APLP2: variants seen among roughly 807,000 people sequenced by gnomAD.
APLP2 encodes amyloid beta precursor like protein 2.
APLP2 carries 53 observed loss-of-function variants against 89.9 expected under a neutral mutation model. That is an observed-to-expected ratio of 0.59 (90% CI 0.47 to 0.74). The LOEUF (loss-of-function observed/expected upper bound fraction) is 0.74, where lower values mean the gene tolerates loss of function less well. Ranked by LOEUF, APLP2 falls within the 30% of genes least tolerant of loss-of-function variation. The pLI is 0.00. For synonymous variants in APLP2, 372 were observed against 348.6 expected (o/e 1.07, Z -0.75); for missense variants, 973 against 975.9 (o/e 1.00, Z 0.04).
At chr11:130,124,149 A>G (rs1001400516) in intron 7 of APLP2, among the ~76,000 whole-genome samples, 1 of 152,114 alleles carries the variant, frequency 6.6e-6, no homozygotes, top group African/African-American at 2.4e-5. Flanking sequence ...GGCTGGCTCT[A>G]GCTTAGAGGC....
rs1473869338 is a variant in APLP2, at chr11:130,110,640, G to A, written c.382G>A (p.Val128Ile). 1 of 1,611,460 alleles carries A rather than the reference G, an allele frequency of 6.2e-7. No individual in the cohort carries two copies. The highest frequency in any genetic ancestry group is 8.5e-7 in the Non-Finnish European group (1 of 1,178,474). ...RDKKQCKSRFVTPFKCLVGEF... is the reference protein window; with the variant it reads ...RDKKQCKSRFITPFKCLVGEF... ...CAAAAAGCAATGCAAGAGTCGCTTTGTTACACCTTTCAAGTGTCTCGGTGA... is the reference window on the plus strand; with the variant it reads ...CAAAAAGCAATGCAAGAGTCGCTTTATTACACCTTTCAAGTGTCTCGGTGA... Residue 128 changes from valine (V) to isoleucine (I), a missense_variant, in exon 3 of 17, where the codon GTT becomes ATT. Physicochemically the swap from Val to Ile is conservative, Grantham distance 29 (BLOSUM62 3). Coordinates refer to ENST00000338167, the MANE Select transcript of APLP2 (RefSeq NM_001142276.2).
chr11:130,073,246 T>C (rs997112547), intron 1 of APLP2, among the ~76,000 whole-genome samples: 2 of 152,216 alleles, frequency 1.3e-5, no homozygotes, highest in African/African-American at 2.4e-5. Flanking sequence ...ACTTTAGACA[T>C]GGGCTAAATA....
In APLP2 at chr11:130,101,876, G is replaced by A. The variant is rs765046411; in HGVS notation, c.106-7553G>A. The A allele has an allele frequency of 2.0e-5, 9 of 443,924 alleles. No homozygotes were observed. In the East Asian group the frequency reaches 2.1e-4, roughly 10 times the overall value. 27.5% of individuals were successfully genotyped at this position (443,924 alleles called of 1,614,324 possible). On this transcript the variant is annotated intron_variant, in intron 1 of 16. Coordinates refer to ENST00000338167, the MANE Select transcript of APLP2 (RefSeq NM_001142276.2). The stretch of plus-strand genomic sequence containing the variant: ...TCCACTAATGTCCTTTTCCTGTTCC[G>A]GGATCCTGTCCAGGCGCCTGCATTG...
intron 13 of APLP2, among the ~76,000 whole-genome samples, chr11:130,137,653 T>C (rs1012845212): frequency 6.6e-6 from 1 of 152,246 alleles, no homozygotes; most frequent in Non-Finnish European, 1.5e-5. Flanking sequence ...CGTATAAATA[T>C]GCCTTATTTA....
At position 130,126,840 on chromosome 11, in the gene APLP2, G is replaced by T; in HGVS notation, c.1221+10G>T. 1 of 1,613,920 alleles carries T rather than the reference G, an allele frequency of 6.2e-7. No homozygotes were observed. Among genetic ancestry groups the T allele is most frequent in the South Asian group, 1.1e-5 (1 of 91,068 alleles). On this transcript the variant is annotated intron_variant, in intron 8 of 16. Coordinates refer to ENST00000338167, the MANE Select transcript of APLP2 (RefSeq NM_001142276.2). ...CAACCGAATGGACAGGGTAAACCTT[G>T]ACAATTTCTTCATCTTCATGGTACT...
rs1949180216 is a variant in APLP2 at position 130,116,490 on chromosome 11, TTTTTTC to T, written c.404-4204_404-4199del. ...TTCCTTAGGGTGTGTATCTTTTTCT[TTTTTTC>T]TTTTTCTTTTTAAGACAGGGTCGCC... On this transcript the variant is annotated intron_variant, in intron 3 of 16. Transcript: ENST00000338167. Among the ~76,000 whole-genome samples, 5 of 149,156 alleles carry T rather than the reference TTTTTTC, an allele frequency of 3.4e-5. No individual in the cohort carries two copies. The South Asian group carries it at 8.3e-4, about 25-fold the overall frequency.
intron 1 of APLP2, among the ~76,000 whole-genome samples, chr11:130,089,532 C>T (rs1414206932): frequency 3.3e-5 from 5 of 152,230 alleles, no homozygotes; most frequent in African/African-American, 4.8e-5. Flanking sequence ...TGTTTCTCTA[C>T]ATCTGGATCC....
chr11:130,141,381 TC>T lies in APLP2; in HGVS notation c.1924-114del. Reference sequence around the variant, plus strand: ...GACAGAACTGGTTGGTTAATGGGGGTCCCACAGGTACCTGCTTCCTTCCATC... The same window carrying T: ...GACAGAACTGGTTGGTTAATGGGGGTCCACAGGTACCTGCTTCCTTCCATC... On this transcript the variant is annotated intron_variant, in intron 14 of 16. Coordinates refer to ENST00000338167, the MANE Select transcript of APLP2 (RefSeq NM_001142276.2). The surrounding 1 kb of genome is among the most constrained non-coding windows in gnomAD (Gnocchi z 4.2). The T allele has an allele frequency of 1.2e-6, 1 of 802,612 alleles. No homozygotes were observed. 49.7% of individuals were successfully genotyped at this position (802,612 alleles called of 1,614,324 possible).
rs1317902503 is a variant in APLP2 at position 130,092,517 on chromosome 11, GGA to G, written c.106-16909_106-16908del. 1.4e-5 allele frequency among the ~76,000 whole-genome samples: 2 copies of G among 143,562 alleles called. 1 individual carries two copies. Among genetic ancestry groups the G allele is most frequent in the Non-Finnish European group, 3.0e-5 (2 of 66,372 alleles). The allele number at this position is 143,562 out of a possible 152,430, so 94.2% of individuals were successfully genotyped here. ...GGCGGATCACTCGCGGTTAGGGGCT[GGA>G]GACCGGCCCGGCCAACACAGCGAAA... On this transcript the variant is annotated intron_variant, in intron 1 of 16. Coordinates refer to ENST00000338167, the MANE Select transcript of APLP2 (RefSeq NM_001142276.2).
At chr11:130,113,999 A>G (rs1169916623) in intron 3 of APLP2, among the ~76,000 whole-genome samples, 1 of 152,196 alleles carries the variant, frequency 6.6e-6, no homozygotes, top group Non-Finnish European at 1.5e-5. Flanking sequence ...TAAGGCAAAC[A>G]TGGTATCCTT....
intron 1 of APLP2, among the ~76,000 whole-genome samples, chr11:130,093,511 G>A (rs919134828): frequency 5.9e-5 from 9 of 152,098 alleles, no homozygotes; most frequent in Admixed American, 3.9e-4. Context: ...TCTTCCAGAA[G>A]GAGAAAACAA....
intron 1 of APLP2, among the ~76,000 whole-genome samples, chr11:130,102,859 A>G (rs1362810460): frequency 6.6e-6 from 1 of 152,264 alleles, no homozygotes; most frequent in Non-Finnish European, 1.5e-5. Flanking sequence ...AATAAAATGG[A>G]ATTTCTTATT....
At chr11:130,098,760 G>A (rs1402816958) in intron 1 of APLP2, among the ~76,000 whole-genome samples, 2 of 152,152 alleles carry the variant, frequency 1.3e-5, no homozygotes, top group Non-Finnish European at 2.9e-5. Flanking sequence ...TAAAAACAAA[G>A]TATATATCAT....
chr11:130,106,269 A>G (rs1441339208), intron 1 of APLP2, among the ~76,000 whole-genome samples: 2 of 152,052 alleles, frequency 1.3e-5, no homozygotes, highest in Non-Finnish European at 2.9e-5. Context: ...CTCATCCCTC[A>G]TATCAGTTAT....
At chr11:130,077,640 A>G (rs1942368926) in intron 1 of APLP2, among the ~76,000 whole-genome samples, 2 of 152,030 alleles carry the variant, frequency 1.3e-5, no homozygotes, top group Non-Finnish European at 2.9e-5. Flanking sequence ...ACCACTGGAT[A>G]CGGAAATATA....
intron 3 of APLP2, among the ~76,000 whole-genome samples, chr11:130,110,955 T>C (rs1411336966): frequency 1.3e-5 from 2 of 152,146 alleles, no homozygotes; most frequent in African/African-American, 4.8e-5. Context: ...ATATCAGTGG[T>C]TTATGGTGAT....
In APLP2 at chr11:130,126,563, G is replaced by C; in HGVS notation, c.1091-137G>C. ...CTGTAATCTAACCAAGTGAAGTCTT[G>C]GCAGATAGCAGCACCCTGCACTTAG... On this transcript the variant is annotated intron_variant, in intron 7 of 16. Coordinates refer to ENST00000338167, the MANE Select transcript of APLP2 (RefSeq NM_001142276.2). 7.2e-6 allele frequency: 7 copies of C among 971,044 alleles called. No individual in the cohort carries two copies. In the South Asian group the frequency reaches 1.1e-4, roughly 15 times the overall value. The allele number at this position is 971,044 out of a possible 1,614,324, so 60.2% of individuals were successfully genotyped here. A position where few individuals can be genotyped will look rare whatever the true frequency, so the allele number is the denominator to read the frequency against.
At chr11:130,131,887 A>G (rs75682653) in intron 11 of APLP2, among the ~76,000 whole-genome samples, 2,635 of 152,256 alleles carry the variant, frequency 0.017, 67 homozygotes, top group African/African-American at 0.06. Context: ...CCTGTCTGCT[A>G]CTTACTACCT....
intron 3 of APLP2, among the ~76,000 whole-genome samples, chr11:130,115,367 G>T (rs1298013536): frequency 6.6e-6 from 1 of 152,264 alleles, no homozygotes; most frequent in East Asian, 1.9e-4. Context: ...GCTTCCTCAA[G>T]TAGGTAAACA....
Sources: allele counts gnomAD v4.1 joint callset (sites outside exome capture counted in the v4.1 genomes callset), GRCh38; gene constraint gnomAD v4.1.1; non-coding constraint Gnocchi (gnomAD v3.1); transcripts MANE v1.5; gene names NCBI Gene and HGNC (gene_info 2026-07-23, HGNC 2026-07-21).